CPPED1: variants seen among roughly 807,000 people sequenced by gnomAD.
The protein encoded by CPPED1 is serine/threonine-protein phosphatase CPPED1.
A neutral mutation model predicts 28.0 loss-of-function variants in CPPED1; 28 were observed. The ratio of observed to expected loss-of-function variants is 1.00; its 90% CI spans 0.74 to 1.37. The LOEUF is 1.37. Ranked by LOEUF, CPPED1 falls within the 40% of genes most tolerant of loss-of-function variation. The pLI, the probability that CPPED1 is intolerant of heterozygous loss-of-function variation, is 0.00. For missense variants in CPPED1, 504 were observed against 416.5 expected (o/e 1.21, Z -1.83); for synonymous variants, 198 against 180.2 (o/e 1.10, Z -0.79).
chr16:12,708,854 A>G (rs982164297), intron 2 of CPPED1, among the ~76,000 whole-genome samples: 1 of 152,134 alleles, frequency 6.6e-6, no homozygotes, highest in Non-Finnish European at 1.5e-5. Flanking sequence ...CTGAGGCAGG[A>G]GGATCATTTG....
chr16:12,802,666 A>G (rs2080667634), intron 1 of CPPED1, among the ~76,000 whole-genome samples: 2 of 152,200 alleles, frequency 1.3e-5, no homozygotes, highest in Non-Finnish European at 2.9e-5. Context: ...GGTAGCAGGT[A>G]AAGTCTCTGA....
chr16:12,734,537 C>T (rs966704421), intron 2 of CPPED1, among the ~76,000 whole-genome samples: 2 of 152,168 alleles, frequency 1.3e-5, no homozygotes, highest in African/African-American at 4.8e-5. Context: ...CAGCCACTGT[C>T]CCCGGCTAAT....
At chr16:12,789,634 TC>T (rs1170970986) in intron 1 of CPPED1, among the ~76,000 whole-genome samples, 10 of 152,138 alleles carry the variant, frequency 6.6e-5, no homozygotes, top group East Asian at 3.9e-4. Context: ...CAAGTGATCC[TC>T]CCACGTCAGC....
At chr16:12,683,013 C>T (rs539774066) in intron 3 of CPPED1, among the ~76,000 whole-genome samples, 7 of 152,216 alleles carry the variant, frequency 4.6e-5, no homozygotes, top group African/African-American at 1.7e-4. Flanking sequence ...CAAAAATACT[C>T]GAGGGAGGTA....
chr16:12,800,803 A>G (rs1332375635), intron 1 of CPPED1, among the ~76,000 whole-genome samples: 1 of 151,802 alleles, frequency 6.6e-6, no homozygotes, highest in Non-Finnish European at 1.5e-5. Flanking sequence ...GGACTCTCAC[A>G]CTTGCTCTGC....
At chr16:12,801,050 G>T (rs1019161772) in intron 1 of CPPED1, among the ~76,000 whole-genome samples, 1 of 152,090 alleles carries the variant, frequency 6.6e-6, no homozygotes, top group Admixed American at 6.6e-5. Flanking sequence ...CACCATACTG[G>T]ACAGTGCAAT....
chr16:12,789,225 C>G (rs2080581805), intron 1 of CPPED1, among the ~76,000 whole-genome samples: 1 of 152,116 alleles, frequency 6.6e-6, no homozygotes. Context: ...GCCACAGTCC[C>G]CACCTGGCCC....
intron 3 of CPPED1, among the ~76,000 whole-genome samples, chr16:12,668,608 C>A (rs1221551070): frequency 6.6e-6 from 1 of 152,052 alleles, no homozygotes; most frequent in African/African-American, 2.4e-5. Flanking sequence ...GGGTCTAATA[C>A]CCAGAAAACA....
At chr16:12,730,986 C>T (rs1294170819) in intron 2 of CPPED1, among the ~76,000 whole-genome samples, 11 of 152,048 alleles carry the variant, frequency 7.2e-5, no homozygotes. Flanking sequence ...CTGCATGAAG[C>T]TTGACCACTG....
Position 12,709,994 on chromosome 16 carries a change from GA to G in CPPED1, c.290-4946del, listed in dbSNP as rs1195865252. Among the ~76,000 whole-genome samples, 3 of 148,852 alleles carry G rather than the reference GA, an allele frequency of 2.0e-5. No homozygotes were observed. The highest frequency in any genetic ancestry group is 4.5e-5 in the Non-Finnish European group (3 of 67,212). ...CAAGGAAGGAAGGAAGGGAAGAGAA[GA>G]GAAGGAAGGAAGGGAAGGAAGGGAG... On this transcript the variant is annotated intron_variant, in intron 2 of 3. Transcript: ENST00000381774. This position sits in a 1 kb window ranked among gnomAD's most constrained non-coding sequence, Gnocchi z 4.4.
chr16:12,734,321 C>T lies in CPPED1; in HGVS notation c.290-29272G>A, dbSNP rs112656674. The stretch of plus-strand genomic sequence containing the variant: ...CTGGCCTCAAGTGATCTGCCCACCT[C>T]GGCCTCCTGAAGTGCTGGAATTACA... On this transcript the variant is annotated intron_variant, in intron 2 of 3. Transcript: ENST00000381774. 6.7e-3 allele frequency among the ~76,000 whole-genome samples: 1,024 copies of T among 152,066 alleles called. 6 individuals carry two copies. The highest frequency in any genetic ancestry group is 0.034 in the Middle Eastern group (10 of 294).
chr16:12,681,244 T>A (rs940380041), intron 3 of CPPED1, among the ~76,000 whole-genome samples: 1 of 151,988 alleles, frequency 6.6e-6, no homozygotes, highest in Non-Finnish European at 1.5e-5. Context: ...AAGAGATGAT[T>A]AGGTCACGGG....
intron 2 of CPPED1, among the ~76,000 whole-genome samples, chr16:12,725,544 G>A (rs2080165373): frequency 6.6e-6 from 1 of 152,130 alleles, no homozygotes; most frequent in Admixed American, 6.5e-5. Flanking sequence ...GAAAACTGAG[G>A]CTTAGTGCAG....
chr16:12,745,759 T>C (rs2080283002), intron 2 of CPPED1: 1 of 152,186 alleles, frequency 6.6e-6, no homozygotes, highest in Admixed American at 6.5e-5. Context: ...ATAATATGTA[T>C]AGCAAACCTG....
intron 2 of CPPED1, among the ~76,000 whole-genome samples, chr16:12,749,853 G>A (rs568955231): frequency 1.3e-5 from 2 of 152,292 alleles, no homozygotes; most frequent in African/African-American, 4.8e-5. Flanking sequence ...GGCTTCCAAA[G>A]TGCTGGGATT....
chr16:12,718,116 G>C (rs544245531), intron 2 of CPPED1, among the ~76,000 whole-genome samples: 2 of 152,314 alleles, frequency 1.3e-5, no homozygotes, highest in Admixed American at 6.5e-5. Flanking sequence ...AGAGAAGAGA[G>C]CTACAGTTAG....
intron 2 of CPPED1, among the ~76,000 whole-genome samples, chr16:12,775,782 T>C (rs2080494335): frequency 6.6e-6 from 1 of 152,104 alleles, no homozygotes; most frequent in African/African-American, 2.4e-5. Context: ...ACAAGCTGAG[T>C]GGCCTTGGGA....
rs747319402 is a variant in CPPED1 at position 12,781,145 on chromosome 16, C to A, written c.289+40G>T. Reference sequence around the variant, plus strand: ...CCTGCCCAAATGCAGTCATGACCGGCTGAAGGAGAAAAGGTCACAAGCGAT... The same window carrying A: ...CCTGCCCAAATGCAGTCATGACCGGATGAAGGAGAAAAGGTCACAAGCGAT... On this transcript the variant is annotated intron_variant, in intron 2 of 3. Transcript: ENST00000381774. 4 of 1,569,958 alleles carry A rather than the reference C, an allele frequency of 2.5e-6. No homozygotes were observed. The South Asian group carries it at 4.6e-5, about 18-fold the overall frequency.
In CPPED1 at chr16:12,704,957, G is replaced by A. The variant is rs779758297; in HGVS notation, c.382C>T (p.His128Tyr). 16 of 1,614,196 alleles carry A rather than the reference G, an allele frequency of 9.9e-6. No homozygotes were observed. Among genetic ancestry groups the A allele is most frequent in the Non-Finnish European group, 1.3e-5 (15 of 1,180,028 alleles). ...GCCGTGGGGGTGTTGCCAATGTCATGGTTGCCGCTGACAAGGACCAGTGGG... is the reference window on the plus strand; with the variant it reads ...GCCGTGGGGGTGTTGCCAATGTCATAGTTGCCGCTGACAAGGACCAGTGGG... Reference protein sequence around the residue: ...AIPLVLVSGNHDIGNTPTAET... With the variant: ...AIPLVLVSGNYDIGNTPTAET... The change falls in exon 3 of 4, where the codon CAT becomes TAT. Residue 128 changes from histidine to tyrosine, a missense_variant. Coordinates refer to ENST00000381774, the MANE Select transcript of CPPED1 (RefSeq NM_018340.3).
Sources: allele counts gnomAD v4.1 joint callset (sites outside exome capture counted in the v4.1 genomes callset), GRCh38; gene constraint gnomAD v4.1.1; non-coding constraint Gnocchi (gnomAD v3.1); transcripts MANE v1.5; gene names NCBI Gene and HGNC (gene_info 2026-07-23, HGNC 2026-07-21).